THADA: variants seen among roughly 807,000 people sequenced by gnomAD.
THADA encodes THADA armadillo repeat containing.
THADA carries 213 observed loss-of-function variants against 219.8 expected under a neutral mutation model. The ratio of observed to expected loss-of-function variants is 0.97; its 90% CI spans 0.87 to 1.09. THADA has a LOEUF of 1.09. Ranked by LOEUF, THADA falls within the 50% of genes least tolerant of loss-of-function variation. The pLI is 0.00. For missense variants in THADA, 2,956 were observed against 2,311.3 expected, an observed-to-expected ratio of 1.28 and a Z score of -5.72; for synonymous variants, 1,018 against 828.9, an observed-to-expected ratio of 1.23 and a Z score of -3.92.
chr2:43,488,239 G>C (rs1687153084), intron 25 of THADA, among the ~76,000 whole-genome samples: 1 of 152,058 alleles, frequency 6.6e-6, no homozygotes, highest in South Asian at 2.1e-4. Context: ...CTATTCAGTG[G>C]TTTTTGCTAT....
In THADA at chr2:43,292,212, A is replaced by G. The variant is rs1290704419; in HGVS notation, c.4829T>C (p.Ile1610Thr). The G allele has an allele frequency of 6.2e-7, 1 of 1,603,272 alleles. No individual in the cohort carries two copies. The highest frequency in any genetic ancestry group is 2.2e-5 in the East Asian group (1 of 44,700). The part of the protein sequence containing the change: ...HPECFCKILK[I>T]LHCMDPGEWL... ...CTCACCAGGGTCCATGCAGTGGAGA[A>G]TTTTCAGTATCTGTGTAAGCCAAAT... is the stretch of plus-strand genomic sequence containing the variant. Residue 1610 changes from isoleucine (I) to threonine (T), a missense_variant, in exon 33 of 38, where the codon ATT (isoleucine) becomes ACT (threonine). By Grantham distance (89) the Ile-to-Thr change is moderately conservative. Transcript: ENST00000405975.
intron 1 of THADA, among the ~76,000 whole-genome samples, chr2:43,593,695 G>A (rs987487033): frequency 6.7e-6 from 1 of 148,788 alleles, no homozygotes; most frequent in Non-Finnish European, 1.5e-5. Context: ...GTGCAGTGGC[G>A]CGATCTGCGC....
chr2:43,507,025 CA>C (rs1689762172), intron 23 of THADA, among the ~76,000 whole-genome samples: 2 of 152,230 alleles, frequency 1.3e-5, no homozygotes, highest in South Asian at 2.1e-4. Context: ...TCTGTCTACA[CA>C]AAAGGTAAAC....
intron 23 of THADA, among the ~76,000 whole-genome samples, chr2:43,506,050 G>A (rs1005887507): frequency 6.6e-6 from 1 of 152,112 alleles, no homozygotes; most frequent in Non-Finnish European, 1.5e-5. Flanking sequence ...ATCCTAAGTA[G>A]GTGGCAGCTC....
At chr2:43,472,877 T>TA (rs577875956) in intron 26 of THADA, among the ~76,000 whole-genome samples, 85 of 152,198 alleles carry the variant, frequency 5.6e-4, no homozygotes, top group African/African-American at 1.9e-3. Context: ...TATCTAAACA[T>TA]ACTAAGCATA....
At chr2:43,341,673 G>A (rs548372379) in intron 30 of THADA, among the ~76,000 whole-genome samples, 2 of 152,296 alleles carry the variant, frequency 1.3e-5, no homozygotes, top group South Asian at 4.1e-4. Context: ...TTAAGAACTA[G>A]AGTGTTAGGA....
chr2:43,389,488 C>A (rs565153824), intron 29 of THADA, among the ~76,000 whole-genome samples: 1 of 152,144 alleles, frequency 6.6e-6, no homozygotes, highest in South Asian at 2.1e-4. Context: ...AAACAGGATG[C>A]GATAAAAGAA....
intron 12 of THADA, among the ~76,000 whole-genome samples, chr2:43,572,590 A>G (rs1699416569): frequency 6.6e-6 from 1 of 152,168 alleles, no homozygotes; most frequent in South Asian, 2.1e-4. Flanking sequence ...CAGTTCTAAG[A>G]GTTTCCAGTT....
rs1386897946 is a variant in THADA at position 43,505,724 on chromosome 2, T to A, written c.3519A>T (p.Ala1173=). 2 of 1,579,276 alleles carry A rather than the reference T, an allele frequency of 1.3e-6. No homozygotes were observed. Among genetic ancestry groups the A allele is most frequent in the East Asian group, 2.3e-5 (1 of 44,236 alleles). The change falls in exon 24 of 38, where the codon GCA becomes GCT. Residue 1173 remains alanine, a synonymous_variant. Coordinates refer to ENST00000405975, the MANE Select transcript of THADA (RefSeq NM_022065.5). ...CCATTCTGCCTTTCTTTGGTTCAGA[T>A]GCCAACAGTGCCTATGGAAAAAGAA... ...GIPFYIQALL[A]SEPKKGRMDL...
chr2:43,294,147 G>A (rs1369471768), intron 31 of THADA, among the ~76,000 whole-genome samples: 2 of 152,048 alleles, frequency 1.3e-5, no homozygotes, highest in African/African-American at 4.8e-5. Flanking sequence ...TTATCCTCCT[G>A]TTAAGTTTTA....
intron 31 of THADA, among the ~76,000 whole-genome samples, chr2:43,300,262 A>C (rs1434108713): frequency 6.6e-6 from 1 of 151,736 alleles, no homozygotes; most frequent in African/African-American, 2.4e-5. Flanking sequence ...CAGCCTCCCA[A>C]AGTGTTGGGA....
At chr2:43,475,688 T>G (rs868375401) in intron 26 of THADA, among the ~76,000 whole-genome samples, 1 of 152,228 alleles carries the variant, frequency 6.6e-6, no homozygotes, top group Non-Finnish European at 1.5e-5. Flanking sequence ...TCTACAAAAC[T>G]TAGTAAAGTC....
chr2:43,559,440 G>C (rs1308920106), intron 16 of THADA, among the ~76,000 whole-genome samples: 3 of 152,174 alleles, frequency 2.0e-5, no homozygotes, highest in Non-Finnish European at 2.9e-5. Context: ...AAACACAGCT[G>C]AACAACCACA....
rs1181680289 is a variant in THADA at position 43,261,216 on chromosome 2, CTTTT to C, written c.5296+18545_5296+18548del. 1.8e-4 allele frequency among the ~76,000 whole-genome samples: 14 copies of C among 77,156 alleles called. No individual in the cohort carries two copies. The East Asian group carries it at 3.6e-3, about 20-fold the overall frequency. 50.6% of individuals were successfully genotyped at this position (77,156 alleles called of 152,430 possible). ...TTGCCTGAAATAAATTTGTGCATTT[CTTTT>C]TTTTTTTTTTTTTTTTTTTTTGAGA... On this transcript the variant is annotated intron_variant, in intron 36 of 37. Coordinates refer to ENST00000405975, the MANE Select transcript of THADA (RefSeq NM_022065.5).
chr2:43,544,015 TAA>T (rs1446169769), intron 20 of THADA, among the ~76,000 whole-genome samples: 15 of 152,358 alleles, frequency 9.8e-5, no homozygotes, highest in African/African-American at 3.4e-4. Flanking sequence ...GTCTAAAGTT[TAA>T]GTCTTTAATC....
intron 22 of THADA, among the ~76,000 whole-genome samples, chr2:43,520,318 C>T (rs1692244641): frequency 6.6e-6 from 1 of 152,162 alleles, no homozygotes; most frequent in Non-Finnish European, 1.5e-5. Context: ...CCTCTGAGTA[C>T]ATTGTAAAAT....
chr2:43,352,772 C>T (rs764953182), intron 29 of THADA, among the ~76,000 whole-genome samples: 52 of 152,026 alleles, frequency 3.4e-4, no homozygotes, highest in Non-Finnish European at 6.3e-4. Flanking sequence ...TCCCTACCAC[C>T]ACCTTCCAGG....
intron 31 of THADA, among the ~76,000 whole-genome samples, chr2:43,301,963 AAT>A (rs1325448051): frequency 6.6e-6 from 1 of 152,218 alleles, no homozygotes; most frequent in African/African-American, 2.4e-5. Context: ...GCAGGACACA[AAT>A]AACTGAAGTT....
At chr2:43,545,271 T>G (rs1033854324) in intron 20 of THADA, among the ~76,000 whole-genome samples, 4 of 151,598 alleles carry the variant, frequency 2.6e-5, no homozygotes, top group African/African-American at 9.8e-5. Context: ...CTGGATTCGG[T>G]TTGCCAGTAT....
Sources: gnomAD v4.1 joint callset for allele counts (sites outside exome capture counted in the v4.1 genomes callset) on GRCh38, gnomAD v4.1.1 for gene constraint, MANE v1.5 for transcripts, NCBI Gene and HGNC (gene_info 2026-07-23, HGNC 2026-07-21) for gene names.